Variants in NALCN observed in about 807,000 individuals in gnomAD.
The protein encoded by NALCN is sodium leak channel NALCN.
NALCN carries 111 observed loss-of-function variants against 225.3 expected under a neutral mutation model. The observed-to-expected ratio is 0.49, with a 90% CI of 0.42 to 0.58. NALCN has a LOEUF of 0.58. Ranked by LOEUF, NALCN falls within the 20% of genes least tolerant of loss-of-function variation. NALCN has a pLI of 0.00. For synonymous variants in NALCN, 764 were observed against 769.0 expected (o/e 0.99, Z 0.11); for missense variants, 1,378 against 2,202.4 (o/e 0.63, Z 7.49).
At chr13:101,289,269 T>A (rs1461374609) in intron 9 of NALCN, among the ~76,000 whole-genome samples, 2 of 152,170 alleles carry the variant, frequency 1.3e-5, no homozygotes, top group Non-Finnish European at 2.9e-5. Flanking sequence ...TCATTTTCCT[T>A]CTGTTTTCCA....
rs535292143 is a variant in NALCN at position 101,372,431 on chromosome 13, T to A, written c.644+4269A>T. On this transcript the variant is annotated intron_variant, in intron 6 of 43. Transcript: ENST00000251127. ...CAAATTCTCATGGAATTTTCACCAATTCAGACCATATACTGGTCCTTAAAA... is the reference window on the plus strand; with the variant it reads ...CAAATTCTCATGGAATTTTCACCAAATCAGACCATATACTGGTCCTTAAAA... Among the ~76,000 whole-genome samples the A allele has an allele frequency of 6.6e-4, 101 of 152,300 alleles. 1 individual carries two copies. Among genetic ancestry groups the A allele is most frequent in the African/African-American group, 2.2e-3 (90 of 41,576 alleles).
chr13:101,078,399 G>A (rs1033648792), intron 34 of NALCN, among the ~76,000 whole-genome samples: 2 of 152,220 alleles, frequency 1.3e-5, no homozygotes, highest in African/African-American at 2.4e-5. Flanking sequence ...ACCCTGCAAA[G>A]CCACAATGGT....
rs1463745661 is a variant in NALCN at position 101,361,713 on chromosome 13, T to C, written c.644+14987A>G. 5.9e-5 allele frequency among the ~76,000 whole-genome samples: 9 copies of C among 152,188 alleles called. No homozygotes were observed. In the East Asian group the frequency reaches 1.5e-3, roughly 26 times the overall value. ...ACATAACTTATCGGGTTGTTATAAGTATTAAGTGAGAAAATAACATACAGC... is the reference window on the plus strand; with the variant it reads ...ACATAACTTATCGGGTTGTTATAAGCATTAAGTGAGAAAATAACATACAGC... On this transcript the variant is annotated intron_variant, in intron 6 of 43. Transcript: ENST00000251127.
At chr13:101,416,138 C>A (rs1342573794) in intron 1 of NALCN, among the ~76,000 whole-genome samples, 175 bp downstream of exon 1, 1 of 151,660 alleles carries the variant, frequency 6.6e-6, no homozygotes, top group African/African-American at 2.4e-5. Flanking sequence ...ACCCCTCCCC[C>A]GCGCGGGGCC....
intron 13 of NALCN, among the ~76,000 whole-genome samples, chr13:101,214,244 A>G (rs2040637271): frequency 7.0e-6 from 1 of 142,186 alleles, no homozygotes; most frequent in Admixed American, 7.0e-5. Context: ...GAATTGAACA[A>G]TGAGAACATT....
intron 38 of NALCN, among the ~76,000 whole-genome samples, 157 bp from the exon 39 acceptor site, chr13:101,068,190 T>G (rs1459992368): frequency 6.6e-6 from 1 of 152,246 alleles, no homozygotes; most frequent in Non-Finnish European, 1.5e-5. Context: ...TTGGCATGTT[T>G]ACACTTGGAC....
At chr13:101,245,568 C>T (rs967869861) in intron 11 of NALCN, among the ~76,000 whole-genome samples, 2 of 151,994 alleles carry the variant, frequency 1.3e-5, no homozygotes, top group African/African-American at 4.8e-5. Flanking sequence ...ATTTTCTACC[C>T]CCCAACTAAG....
intron 7 of NALCN, among the ~76,000 whole-genome samples, chr13:101,295,230 T>C (rs1333745): frequency 0.094 from 14,314 of 152,234 alleles, 926 homozygotes; most frequent in African/African-American, 0.17. Flanking sequence ...GTACTAACAC[T>C]GGACAATACC....
At chr13:101,108,064 T>C (rs1027645347) in intron 20 of NALCN, among the ~76,000 whole-genome samples, 1 of 146,280 alleles carries the variant, frequency 6.8e-6, no homozygotes, top group Non-Finnish European at 1.5e-5. Context: ...TAAGTATATA[T>C]TTACAATAAA....
intron 9 of NALCN, among the ~76,000 whole-genome samples, chr13:101,290,262 TGA>T: frequency 6.6e-6 from 1 of 152,334 alleles, no homozygotes; most frequent in Non-Finnish European, 1.5e-5. Context: ...ATTTTATACG[TGA>T]GAGTTACTCC....
At chr13:101,307,149 G>A (rs1421700304) in intron 7 of NALCN, among the ~76,000 whole-genome samples, 2 of 152,214 alleles carry the variant, frequency 1.3e-5, no homozygotes, top group Non-Finnish European at 2.9e-5. Context: ...AGATCCTTGG[G>A]TGCTTAGCCC....
At chr13:101,379,904 A>G (rs59521326) in intron 3 of NALCN, among the ~76,000 whole-genome samples, 37,504 of 152,090 alleles carry the variant, frequency 0.25, 4,876 homozygotes, top group Non-Finnish European at 0.29. Context: ...AGGAACACCC[A>G]AATTTATAAA....
At chr13:101,070,789 C>T (rs2032821420) in intron 37 of NALCN, among the ~76,000 whole-genome samples, 1 of 152,150 alleles carries the variant, frequency 6.6e-6, no homozygotes, top group Admixed American at 6.5e-5. Flanking sequence ...TAGCATAATT[C>T]TTAAGAGACT....
At chr13:101,095,884 T>G (rs2034475359) in intron 27 of NALCN, among the ~76,000 whole-genome samples, 1 of 152,128 alleles carries the variant, frequency 6.6e-6, no homozygotes. Context: ...ATTACTTAAA[T>G]GAGCAAAGGA....
intron 10 of NALCN, among the ~76,000 whole-genome samples, chr13:101,271,676 GTGTT>G (rs1357487817): frequency 1.3e-5 from 2 of 151,820 alleles, no homozygotes; most frequent in Admixed American, 6.6e-5. Flanking sequence ...ATGTACAAGT[GTGTT>G]TGTGCATGTG....
At chr13:101,146,041 T>C (rs1383567734) in intron 15 of NALCN, among the ~76,000 whole-genome samples, 7 of 152,198 alleles carry the variant, frequency 4.6e-5, no homozygotes, top group Non-Finnish European at 1.0e-4. Context: ...ACAAATTGGC[T>C]AAGGAGAACA....
intron 7 of NALCN, among the ~76,000 whole-genome samples, chr13:101,344,379 A>C (rs2045650611): frequency 6.6e-6 from 1 of 152,222 alleles, no homozygotes; most frequent in Non-Finnish European, 1.5e-5. Context: ...ATACTAAAAC[A>C]TAAAGATGAA....
At chr13:101,173,080 C>T (rs1594362483) in intron 15 of NALCN, among the ~76,000 whole-genome samples, 1 of 152,186 alleles carries the variant, frequency 6.6e-6, no homozygotes, top group Non-Finnish European at 1.5e-5. Flanking sequence ...CCTTGAGTGG[C>T]GTTTGCCATC....
At chr13:101,144,054 C>A (rs529688811) in intron 16 of NALCN, among the ~76,000 whole-genome samples, 2 of 152,126 alleles carry the variant, frequency 1.3e-5, no homozygotes, top group Non-Finnish European at 2.9e-5. Context: ...TAGTCTCATA[C>A]TTTTATAACC....
Sources: gnomAD v4.1 joint callset for allele counts (sites outside exome capture counted in the v4.1 genomes callset) on GRCh38, gnomAD v4.1.1 for gene constraint, MANE v1.5 for transcripts, NCBI Gene and HGNC (gene_info 2026-07-23, HGNC 2026-07-21) for gene names.